Variants in MAP3K21 observed in about 807,000 individuals in gnomAD.
MAP3K21 encodes the protein mitogen-activated protein kinase kinase kinase 21.
MAP3K21 carries 63 observed loss-of-function variants against 86.1 expected under a neutral mutation model. That is an observed-to-expected ratio of 0.73 (90% CI 0.60 to 0.90). MAP3K21 has a LOEUF of 0.90. Among genes scored for constraint, MAP3K21 ranks in the 40% least tolerant of loss-of-function variants. MAP3K21 has a pLI of 0.00. For synonymous variants in MAP3K21, 558 were observed against 564.8 expected, an observed-to-expected ratio of 0.99 and a Z score of 0.17; for missense variants, 1,220 against 1,367.7, an observed-to-expected ratio of 0.89 and a Z score of 1.70.
intron 2 of MAP3K21, among the ~76,000 whole-genome samples, chr1:233,349,322 ACT>A (rs1663204350): frequency 1.3e-5 from 2 of 152,198 alleles, no homozygotes; most frequent in Admixed American, 1.3e-4. Context: ...ATACTTCAAG[ACT>A]CTAAAAACTA....
chr1:233,353,536 C>G (rs987031099), intron 2 of MAP3K21, among the ~76,000 whole-genome samples: 5 of 152,154 alleles, frequency 3.3e-5, no homozygotes, highest in African/African-American at 1.2e-4. Context: ...CAATTGTGTA[C>G]TACTCTTACG....
intron 1 of MAP3K21, among the ~76,000 whole-genome samples, chr1:233,341,381 T>C (rs969730998): frequency 6.6e-6 from 1 of 152,302 alleles, no homozygotes; most frequent in East Asian, 1.9e-4. Context: ...CCAAAAGATA[T>C]GGAATTCCAG....
chr1:233,339,295 TTCTTCTTCC>T (rs1558450969), intron 1 of MAP3K21, among the ~76,000 whole-genome samples: 6 of 136,508 alleles, frequency 4.4e-5, no homozygotes, highest in African/African-American at 8.2e-5. Context: ...CTTCTTCCTC[TTCTTCTTCC>T]TCTTCTTCTT....
intron 2 of MAP3K21, among the ~76,000 whole-genome samples, chr1:233,353,141 C>T (rs1663282209): frequency 6.6e-6 from 1 of 150,988 alleles, no homozygotes; most frequent in East Asian, 2.0e-4. Flanking sequence ...TGCAGTTGTG[C>T]CTTATTTTTT....
At chr1:233,354,790 A>AATGTCTTGGGGATAATCTG (rs137943316) in intron 3 of MAP3K21, 46 bp from the exon 4 acceptor site, 583,395 of 1,459,274 alleles carry the variant, frequency 0.4, 119,698 homozygotes, top group Admixed American at 0.6. Flanking sequence ...TAGCAACTCT[A>AATGTCTTGGGGATAATCTG]AACTGCGTTG....
chr1:233,339,401 C>CCTTCTTCTTCTTCTCCTTCTT (rs1662990969), intron 1 of MAP3K21, among the ~76,000 whole-genome samples: 5 of 53,182 alleles, frequency 9.4e-5, no homozygotes, highest in Admixed American at 3.2e-4. Context: ...TCCTCCTTCT[C>CCTTCTTCTTCTTCTCCTTCTT]CTCCTCCTCC....
intron 2 of MAP3K21, 39 bp from the exon 3 acceptor site, chr1:233,353,768 T>C: frequency 6.7e-7 from 1 of 1,482,534 alleles, no homozygotes; most frequent in Non-Finnish European, 9.0e-7. Context: ...GAAAAGACAC[T>C]GTTTAGCCCA....
chr1:233,379,037 T>C lies in MAP3K21; in HGVS notation c.2031T>C (p.Asp677=), dbSNP rs377285228. 23 of 1,614,174 alleles carry C rather than the reference T, an allele frequency of 1.4e-5. No individual in the cohort carries two copies. In the African/African-American group the frequency reaches 2.8e-4, roughly 20 times the overall value. The change falls in exon 9 of 10, where the codon GAT becomes GAC. Residue 677 remains aspartate, a synonymous_variant. Transcript: ENST00000366624. ...ACATTGATCTACCTCTTGGGAAAGA[T>C]GCTCAGAGAGAGAATCCTGCAGAAG... ...QAYIDLPLGK[D]AQRENPAEAE...
At chr1:233,354,701 A>G in intron 3 of MAP3K21, 135 bp from the exon 4 acceptor site, 2 of 710,700 alleles carry the variant, frequency 2.8e-6, no homozygotes, top group Admixed American at 2.7e-5. Context: ...AATCTTCAGG[A>G]GCAGATACTA....
chr1:233,329,215 C>T (rs1001144990), intron 1 of MAP3K21, among the ~76,000 whole-genome samples: 2 of 152,170 alleles, frequency 1.3e-5, no homozygotes, highest in African/African-American at 2.4e-5. Flanking sequence ...GAACCCATGA[C>T]CGTCTTCACC....
chr1:233,346,390 G>A, intron 1 of MAP3K21, 52 bp from the exon 2 acceptor site: 1 of 1,425,330 alleles, frequency 7.0e-7, no homozygotes, highest in Non-Finnish European at 9.6e-7. Context: ...GAAAAATTGT[G>A]ACAGAAAAAT....
At chr1:233,347,547 A>G (rs1572244161) in intron 2 of MAP3K21, among the ~76,000 whole-genome samples, 1 of 152,216 alleles carries the variant, frequency 6.6e-6, no homozygotes, top group African/African-American at 2.4e-5. Context: ...GGAATACTAC[A>G]CAGCCATGAA....
At chr1:233,346,413 C>G in intron 1 of MAP3K21, 29 bp from the exon 2 acceptor site, 1 of 1,543,438 alleles carries the variant, frequency 6.5e-7, no homozygotes, top group Non-Finnish European at 8.8e-7. Flanking sequence ...AAAGAATATG[C>G]AAATGTCTCA....
chr1:233,339,390 C>CT lies in MAP3K21; in HGVS notation c.806-7051dup, dbSNP rs1662990311. On this transcript the variant is annotated intron_variant, in intron 1 of 9. Transcript: ENST00000366624. ...CCTCCTTCTCCTTCTTCTCCTTCTT[C>CT]TCCTCCTTCTCCTCCTCCTCCTCCT... Among the ~76,000 whole-genome samples, 3 of 98,934 alleles carry CT rather than the reference C, an allele frequency of 3.0e-5. No individual in the cohort carries two copies. In the Admixed American group the frequency reaches 4.0e-4, roughly 13 times the overall value. 64.9% of individuals were successfully genotyped at this position (98,934 alleles called of 152,430 possible).
intron 6 of MAP3K21, among the ~76,000 whole-genome samples, chr1:233,374,814 T>G (rs1448134374): frequency 6.6e-6 from 1 of 151,808 alleles, no homozygotes; most frequent in East Asian, 1.9e-4. Context: ...TACCTCATTT[T>G]TATTATGGTC....
At chr1:233,361,151 G>C (rs1663459334) in intron 4 of MAP3K21, among the ~76,000 whole-genome samples, 2 of 152,040 alleles carry the variant, frequency 1.3e-5, no homozygotes, top group African/African-American at 4.8e-5. Flanking sequence ...ATAAAAATGG[G>C]GATATAATTT....
chr1:233,384,369 C>T lies in MAP3K21; in HGVS notation c.*1658C>T, dbSNP rs184544278. 4 of 152,262 alleles carry T rather than the reference C, an allele frequency of 2.6e-5. No homozygotes were observed. The highest frequency in any genetic ancestry group is 9.6e-5 in the African/African-American group (4 of 41,548). 9.4% of individuals were successfully genotyped at this position (152,262 alleles called of 1,614,324 possible). On this transcript the variant is annotated 3_prime_UTR_variant, in exon 10 of 10. Coordinates refer to ENST00000366624, the MANE Select transcript of MAP3K21 (RefSeq NM_032435.3). ...TTTTGCCCTAAGGAAAACGATCTTG[C>T]ATTCTGGATTCTTGCAGCAAAGTCT...
At chr1:233,354,037 T>C in intron 3 of MAP3K21, 82 bp downstream of exon 3, 2 of 1,342,604 alleles carry the variant, frequency 1.5e-6, no homozygotes. Flanking sequence ...AGAAAAAGCA[T>C]TTTCTGTGAC....
At chr1:233,374,001 G>C (rs1221723740) in intron 6 of MAP3K21, 2 of 138,620 alleles carry the variant, frequency 1.4e-5, no homozygotes, top group African/African-American at 5.4e-5. Flanking sequence ...CAGTCATATA[G>C]CCGAGATGAA....
Sources: allele counts gnomAD v4.1 joint callset (sites outside exome capture counted in the v4.1 genomes callset), GRCh38; gene constraint gnomAD v4.1.1; transcripts MANE v1.5; gene names NCBI Gene and HGNC (gene_info 2026-07-23, HGNC 2026-07-21).